The following PRKCB variants were observed in gnomAD, a reference collection of about 807,000 sequenced individuals.
The protein encoded by PRKCB is protein kinase C beta type.
Under a neutral mutation model 81.5 loss-of-function variants are expected in PRKCB, and 13 were observed. The observed-to-expected ratio is 0.16, with a 90% confidence interval of 0.10 to 0.25. The LOEUF is 0.25. PRKCB is among the 10% of genes least tolerant of loss of function. The pLI, the probability that PRKCB is intolerant of heterozygous loss-of-function variation, is 1.00. For synonymous variants in PRKCB, 335 were observed against 321.4 expected (o/e 1.04, Z -0.45); for missense variants, 509 against 875.7 (o/e 0.58, Z 5.29).
chr16:23,942,769 C>T (rs1207474203), intron 2 of PRKCB, among the ~76,000 whole-genome samples: 1 of 152,192 alleles, frequency 6.6e-6, no homozygotes, highest in Admixed American at 6.5e-5. Flanking sequence ...TCCCTTGACT[C>T]TTTGAAAACA....
At chr16:24,196,529 T>G (rs778237348) in intron 16 of PRKCB, among the ~76,000 whole-genome samples, 13 of 152,344 alleles carry the variant, frequency 8.5e-5, no homozygotes, top group East Asian at 3.9e-4. Flanking sequence ...GATCTGCAGC[T>G]TCCTGCAGCC....
chr16:23,873,401 A>T (rs1404072071), intron 2 of PRKCB, among the ~76,000 whole-genome samples: 1 of 151,706 alleles, frequency 6.6e-6, no homozygotes, highest in Non-Finnish European at 1.5e-5. Context: ...AAAGAAAAAA[A>T]GAAAAATGGA....
chr16:24,113,436 C>G (rs1458138671), intron 8 of PRKCB, among the ~76,000 whole-genome samples: 2 of 149,800 alleles, frequency 1.3e-5, no homozygotes, highest in African/African-American at 2.5e-5. Context: ...TTCTTTCTCT[C>G]TCTGTCCTTC....
At chr16:23,921,846 A>T (rs1192794054) in intron 2 of PRKCB, among the ~76,000 whole-genome samples, 1 of 152,194 alleles carries the variant, frequency 6.6e-6, no homozygotes, top group East Asian at 1.9e-4. Flanking sequence ...TAATGCCAGG[A>T]AATAGATCAT....
At chr16:24,138,948 C>A (rs1447663980) in intron 9 of PRKCB, among the ~76,000 whole-genome samples, 1 of 149,420 alleles carries the variant, frequency 6.7e-6, no homozygotes, top group East Asian at 2.0e-4. Flanking sequence ...ACCTCCCAGG[C>A]TCAAGCGATT....
At chr16:24,179,189 C>T (rs889623736) in intron 12 of PRKCB, among the ~76,000 whole-genome samples, 8 of 152,232 alleles carry the variant, frequency 5.3e-5, no homozygotes, top group African/African-American at 1.9e-4. Flanking sequence ...ATGCCCATTC[C>T]TGAATCAATC....
At chr16:24,176,258 G>A (rs917294914) in intron 12 of PRKCB, among the ~76,000 whole-genome samples, 8 of 152,122 alleles carry the variant, frequency 5.3e-5, no homozygotes, top group African/African-American at 1.9e-4. Context: ...TACTTGGCAT[G>A]TGGGTGATCC....
chr16:23,957,465 C>G (rs1035882860), intron 2 of PRKCB, among the ~76,000 whole-genome samples: 4 of 152,138 alleles, frequency 2.6e-5, no homozygotes, highest in African/African-American at 9.7e-5. Context: ...CCCAAAGCCC[C>G]AGGTGTCCCA....
intron 5 of PRKCB, among the ~76,000 whole-genome samples, chr16:24,085,916 T>G (rs1490610676): frequency 6.6e-6 from 1 of 152,130 alleles, no homozygotes; most frequent in Non-Finnish European, 1.5e-5. Flanking sequence ...TAATTAGATG[T>G]GTGATAACTG....
chr16:24,031,333 T>C (rs1965548938), intron 3 of PRKCB, among the ~76,000 whole-genome samples: 2 of 152,220 alleles, frequency 1.3e-5, no homozygotes, highest in African/African-American at 4.8e-5. Flanking sequence ...GCTTTGTCCT[T>C]TCCACATATG....
At chr16:23,882,025 C>T (rs11864316) in intron 2 of PRKCB, among the ~76,000 whole-genome samples, 2,817 of 16,694 alleles carry the variant, frequency 0.17, 92 homozygotes, top group Middle Eastern at 0.28. Flanking sequence ...TTTCTTTCTT[C>T]CTTCCTTCCT....
intron 2 of PRKCB, among the ~76,000 whole-genome samples, chr16:23,946,090 C>T (rs188090768): frequency 1.3e-5 from 2 of 152,314 alleles, no homozygotes; most frequent in Admixed American, 1.3e-4. Context: ...GAAGCCAAAG[C>T]TCAGAGGGGT....
intron 2 of PRKCB, among the ~76,000 whole-genome samples, chr16:23,841,542 CAGTG>C (rs1962264050): frequency 1.3e-5 from 2 of 151,646 alleles, no homozygotes; most frequent in Admixed American, 6.6e-5. Context: ...GGCTGGAGGG[CAGTG>C]ACATGATCAT....
intron 5 of PRKCB, among the ~76,000 whole-genome samples, chr16:24,072,829 G>A (rs774842191): frequency 6.6e-5 from 10 of 151,904 alleles, no homozygotes; most frequent in African/African-American, 9.6e-5. Flanking sequence ...TGATCCACCC[G>A]CCTCAGCCTC....
chr16:23,916,048 T>G (rs1307975497), intron 2 of PRKCB, among the ~76,000 whole-genome samples: 1 of 151,958 alleles, frequency 6.6e-6, no homozygotes, highest in Admixed American at 6.6e-5. Flanking sequence ...GTATCTTTTC[T>G]TTAATTTTAA....
chr16:24,124,532 A>C (rs1386187557), intron 9 of PRKCB, among the ~76,000 whole-genome samples: 1 of 152,196 alleles, frequency 6.6e-6, no homozygotes, highest in African/African-American at 2.4e-5. Context: ...TCTGACAGCC[A>C]AGAATGGAAA....
intron 5 of PRKCB, among the ~76,000 whole-genome samples, chr16:24,037,190 C>T (rs1415149743): frequency 6.6e-6 from 1 of 152,162 alleles, no homozygotes; most frequent in Admixed American, 6.5e-5. Context: ...GGTTTCACCA[C>T]GTTGGCCAGG....
intron 2 of PRKCB, among the ~76,000 whole-genome samples, chr16:23,840,836 C>T (rs902922285): frequency 6.6e-6 from 1 of 152,116 alleles, no homozygotes; most frequent in African/African-American, 2.4e-5. Flanking sequence ...GATTTTCTTG[C>T]TTTCGTATGA....
chr16:24,020,976 T>TTCTTTC (rs60783634), intron 3 of PRKCB, among the ~76,000 whole-genome samples: 8,131 of 96,294 alleles, frequency 0.084, 460 homozygotes, highest in Middle Eastern at 0.18. Context: ...AGACTTTTCT[T>TTCTTTC]TTTCTTTCTT....
Sources: allele counts gnomAD v4.1 joint callset (sites outside exome capture counted in the v4.1 genomes callset), GRCh38; gene constraint gnomAD v4.1.1; transcripts MANE v1.5; gene names NCBI Gene and HGNC (gene_info 2026-07-23, HGNC 2026-07-21).